SHISA6: variants seen among roughly 807,000 people sequenced by gnomAD.
SHISA6 encodes the protein shisa family member 6, also known as protein shisa-6.
In SHISA6, 22 loss-of-function variants were observed where a neutral mutation model predicts 47.9. The observed-to-expected ratio is 0.46, with a 90% CI of 0.33 to 0.66. SHISA6 has a LOEUF of 0.66. Among genes scored for constraint, SHISA6 ranks in the 30% least tolerant of loss-of-function variants. The probability of loss-of-function intolerance (pLI) is 0.02; values close to 1 mark genes in which losing one functional copy is unlikely to be tolerated. For missense variants in SHISA6, 680 were observed against 764.6 expected, an observed-to-expected ratio of 0.89 and a Z score of 1.30; for synonymous variants, 388 against 337.8, an observed-to-expected ratio of 1.15 and a Z score of -1.63.
At chr17:11,473,381 G>C (rs1915974334) in intron 3 of SHISA6, among the ~76,000 whole-genome samples, 1 of 152,096 alleles carries the variant, frequency 6.6e-6, no homozygotes, top group Non-Finnish European at 1.5e-5. Flanking sequence ...GAAAGTCCAA[G>C]GTGCCAGCAG....
intron 3 of SHISA6, among the ~76,000 whole-genome samples, chr17:11,497,358 C>T (rs72809034): frequency 0.19 from 28,677 of 152,016 alleles, 2,995 homozygotes; most frequent in East Asian, 0.32. Context: ...AAAATAATCA[C>T]TCTGACTGCT....
In SHISA6 at chr17:11,563,226, T is replaced by A. The variant is rs1325615250; in HGVS notation, c.*4922T>A. On this transcript the variant is annotated 3_prime_UTR_variant, in exon 6 of 6. Transcript: ENST00000441885. The stretch of plus-strand genomic sequence containing the variant: ...GTGTTCACAGGCTGTTGTGTGGCAA[T>A]GAATGTCATGATAACCCACTCTGGA... 6.6e-6 allele frequency: 1 copy of A among 152,200 alleles called. No homozygotes were observed. The highest frequency in any genetic ancestry group is 2.4e-5 in the African/African-American group (1 of 41,436). The allele number at this position is 152,200 out of a possible 1,614,324, so 9.4% of individuals were successfully genotyped here. A position where few individuals can be genotyped will look rare whatever the true frequency, so the allele number is the denominator to read the frequency against.
chr17:11,375,688 C>A lies in SHISA6; in HGVS notation c.800-3726C>A, dbSNP rs147082174. Reference sequence around the variant, plus strand: ...TCTTTAGCTTGAATCTGCCTCCTGCCTGGGGACAGTTGTCCGTTGGTGCTG... The same window carrying A: ...TCTTTAGCTTGAATCTGCCTCCTGCATGGGGACAGTTGTCCGTTGGTGCTG... On this transcript the variant is annotated intron_variant, in intron 2 of 5. Coordinates refer to ENST00000441885, the MANE Select transcript of SHISA6 (RefSeq NM_207386.4). Among the ~76,000 whole-genome samples the A allele has an allele frequency of 2.2e-3, 334 of 152,286 alleles. 1 individual carries two copies. Among genetic ancestry groups the A allele is most frequent in the African/African-American group, 7.6e-3 (317 of 41,556 alleles).
intron 3 of SHISA6, among the ~76,000 whole-genome samples, chr17:11,548,770 TTAAATGA>T (rs926087770): frequency 6.6e-6 from 1 of 152,198 alleles, no homozygotes; most frequent in Non-Finnish European, 1.5e-5. Context: ...TATATTATGC[TTAAATGA>T]TATATAGACA....
At chr17:11,471,902 G>A (rs1321635984) in intron 3 of SHISA6, among the ~76,000 whole-genome samples, 1 of 151,956 alleles carries the variant, frequency 6.6e-6, no homozygotes, top group Non-Finnish European at 1.5e-5. Flanking sequence ...CCCCACTGTA[G>A]TGGTACATTC....
At chr17:11,411,945 A>G (rs975027171) in intron 3 of SHISA6, among the ~76,000 whole-genome samples, 1 of 152,138 alleles carries the variant, frequency 6.6e-6, no homozygotes, top group Admixed American at 6.5e-5. Context: ...CCAATGTATG[A>G]TTGTTTTTAG....
Position 11,379,447 on chromosome 17 carries a change from GAC to G in SHISA6, c.834_835del (p.Pro279Ter). ...GGGAAGGATGCTTACCGAAGTGGAG[GAC>G]CTGATCTCCATAACTTCATCTCATC... On this transcript the variant is annotated frameshift_variant, in exon 3 of 6. Coordinates refer to ENST00000441885, the MANE Select transcript of SHISA6 (RefSeq NM_207386.4). LOFTEE classifies it high-confidence loss of function. 6.5e-7 allele frequency: 1 copy of G among 1,542,410 alleles called. No individual in the cohort carries two copies. The highest frequency in any genetic ancestry group is 8.7e-7 in the Non-Finnish European group (1 of 1,143,098).
chr17:11,554,524 C>T (rs2071958518), intron 4 of SHISA6, among the ~76,000 whole-genome samples: 1 of 152,200 alleles, frequency 6.6e-6, no homozygotes, highest in African/African-American at 2.4e-5. Flanking sequence ...CACGTTTCCA[C>T]ACTCTTTTTG....
At chr17:11,278,825 C>A (rs12945869) in intron 2 of SHISA6, among the ~76,000 whole-genome samples, 148,424 of 152,334 alleles carry the variant, frequency 0.97, 72,375 homozygotes, top group East Asian at 1. Flanking sequence ...CACTTTAATA[C>A]ACGTGGCGTT....
At chr17:11,336,037 TA>T (rs11376405) in intron 2 of SHISA6, among the ~76,000 whole-genome samples, 7,965 of 143,534 alleles carry the variant, frequency 0.055, 480 homozygotes, top group African/African-American at 0.15. Context: ...CGTCTCTACT[TA>T]AAAAAAAAAA....
At chr17:11,431,978 C>A (rs1243606014) in intron 3 of SHISA6, among the ~76,000 whole-genome samples, 3 of 152,178 alleles carry the variant, frequency 2.0e-5, no homozygotes, top group African/African-American at 7.2e-5. Flanking sequence ...AGGCCAAATG[C>A]CTTGCCATTA....
intron 2 of SHISA6, among the ~76,000 whole-genome samples, chr17:11,333,933 T>G (rs1911223717): frequency 6.6e-6 from 1 of 152,194 alleles, no homozygotes; most frequent in African/African-American, 2.4e-5. Context: ...CAATTAAGTT[T>G]CTACCACCAT....
rs2072054984 is a variant in SHISA6, at chr17:11,562,570, A to G, written c.*4266A>G. The G allele has an allele frequency of 6.6e-6, 1 of 152,176 alleles. No homozygotes were observed. The highest frequency in any genetic ancestry group is 2.1e-4 in the South Asian group (1 of 4,826). 9.4% of individuals were successfully genotyped at this position (152,176 alleles called of 1,614,324 possible). A position where few individuals can be genotyped will look rare whatever the true frequency, so the allele number is the denominator to read the frequency against. On this transcript the variant is annotated 3_prime_UTR_variant, in exon 6 of 6. Coordinates refer to ENST00000441885, the MANE Select transcript of SHISA6 (RefSeq NM_207386.4). The stretch of plus-strand genomic sequence containing the variant: ...TCTATATTTGATTTTGGAAGGCAGC[A>G]TACTCTAGGAGAAAAAAAGCATAGG...
At chr17:11,319,631 C>G (rs985190730) in intron 2 of SHISA6, among the ~76,000 whole-genome samples, 13 of 152,280 alleles carry the variant, frequency 8.5e-5, no homozygotes, top group African/African-American at 3.1e-4. Flanking sequence ...TCATGTTTGA[C>G]TAGCCTTCTT....
At chr17:11,353,393 G>C (rs1186798200) in intron 2 of SHISA6, among the ~76,000 whole-genome samples, 1 of 151,502 alleles carries the variant, frequency 6.6e-6, no homozygotes, top group Non-Finnish European at 1.5e-5. Context: ...GGAGGCAGAG[G>C]TTGCAGTGAG....
intron 3 of SHISA6, among the ~76,000 whole-genome samples, chr17:11,450,136 C>G (rs28871878): frequency 0.26 from 39,747 of 151,634 alleles, 5,356 homozygotes; most frequent in South Asian, 0.36. Flanking sequence ...CCACCCGCCT[C>G]GGCCTCCCGA....
At chr17:11,283,138 T>G (rs1436763124) in intron 2 of SHISA6, among the ~76,000 whole-genome samples, 2 of 152,218 alleles carry the variant, frequency 1.3e-5, no homozygotes. Context: ...CTATTAAGTG[T>G]GCCCACATGA....
rs1195883512 is a variant in SHISA6, at chr17:11,555,733, C to A, written c.953-7C>A. The A allele has an allele frequency of 6.5e-7, 1 of 1,530,984 alleles. No individual in the cohort carries two copies. Among genetic ancestry groups the A allele is most frequent in the African/African-American group, 1.4e-5 (1 of 71,936 alleles). The allele number at this position is 1,530,984 out of a possible 1,614,324, so 94.8% of individuals were successfully genotyped here. ...TTAATACAAAACACCCCTCCCTTTTCTTGCAGAGAAGCCACGGATGAACAA... is the reference window on the plus strand; with the variant it reads ...TTAATACAAAACACCCCTCCCTTTTATTGCAGAGAAGCCACGGATGAACAA... On this transcript the variant is annotated splice_polypyrimidine_tract_variant and splice_region_variant and intron_variant, in intron 4 of 5. Transcript: ENST00000441885.
At chr17:11,557,432 C>T (rs1337468264) in intron 5 of SHISA6, among the ~76,000 whole-genome samples, 2 of 152,178 alleles carry the variant, frequency 1.3e-5, no homozygotes, top group African/African-American at 4.8e-5. Flanking sequence ...AGTCCCTTAA[C>T]ATATCCCTAC....
Sources: gnomAD v4.1 joint callset for allele counts (sites outside exome capture counted in the v4.1 genomes callset) on GRCh38, gnomAD v4.1.1 for gene constraint, MANE v1.5 for transcripts, NCBI Gene and HGNC (gene_info 2026-07-23, HGNC 2026-07-21) for gene names.